The following CFAP95 variants were observed in gnomAD, a reference collection of about 807,000 sequenced individuals.
CFAP95 encodes the protein cilia and flagella associated protein 95.
chr9:69,892,545 G>A, the CFAP95 span, among the ~76,000 whole-genome samples: 2 of 152,200 alleles, frequency 1.3e-5, no homozygotes, highest in Non-Finnish European at 2.9e-5. Context: ...ACAGCAGGTA[G>A]GGAAATACTG....
chr9:69,861,753 A>G, the CFAP95 span, among the ~76,000 whole-genome samples: 128 of 145,544 alleles, frequency 8.8e-4, no homozygotes, highest in Middle Eastern at 7.5e-3. Flanking sequence ...AAAAAAAAAA[A>G]CACAACATTT....
chr9:69,868,879 C>G, the CFAP95 span, among the ~76,000 whole-genome samples: 1 of 149,976 alleles, frequency 6.7e-6, no homozygotes, highest in Non-Finnish European at 1.5e-5. Context: ...ATACAAATGG[C>G]CAACAGGTAT....
At chr9:69,824,446 G>T in the CFAP95 span, among the ~76,000 whole-genome samples, 4 of 152,036 alleles carry the variant, frequency 2.6e-5, no homozygotes, top group African/African-American at 7.2e-5. Context: ...AAAAATTTGA[G>T]TTGCCCTACG....
At chr9:69,843,610 T>A in the CFAP95 span, among the ~76,000 whole-genome samples, 1 of 69,762 alleles carries the variant, frequency 1.4e-5, no homozygotes, top group African/African-American at 8.3e-5. Flanking sequence ...CTTCTTCTTC[T>A]TCTTCTTCTT....
chr9:69,840,259 C>T, the CFAP95 span, among the ~76,000 whole-genome samples: 21 of 151,882 alleles, frequency 1.4e-4, no homozygotes, highest in African/African-American at 4.8e-4. Flanking sequence ...AAACAAATGC[C>T]GGTAGCAAGG....
At chr9:69,896,745 A>G in the CFAP95 span, among the ~76,000 whole-genome samples, 1 of 152,318 alleles carries the variant, frequency 6.6e-6, no homozygotes, top group East Asian at 1.9e-4. Flanking sequence ...AAACTTGGCC[A>G]GGTGCGGTGG....
At chr9:69,832,040 T>C in the CFAP95 span, among the ~76,000 whole-genome samples, 1 of 152,198 alleles carries the variant, frequency 6.6e-6, no homozygotes, top group Non-Finnish European at 1.5e-5. Context: ...TTAGTTTGCA[T>C]ATGGCCATTT....
chr9:69,884,184 T>C, the CFAP95 span, among the ~76,000 whole-genome samples: 2 of 152,208 alleles, frequency 1.3e-5, no homozygotes, highest in Non-Finnish European at 2.9e-5. Flanking sequence ...TTAATTTCCA[T>C]GCATTGGTAT....
At chr9:69,881,545 C>A in the CFAP95 span, among the ~76,000 whole-genome samples, 1 of 152,074 alleles carries the variant, frequency 6.6e-6, no homozygotes, top group Non-Finnish European at 1.5e-5. Context: ...ATGCTAATAC[C>A]ATGCTGTTTT....
chr9:69,853,674 G>C, the CFAP95 span, among the ~76,000 whole-genome samples: 1 of 152,196 alleles, frequency 6.6e-6, no homozygotes, highest in African/African-American at 2.4e-5. Context: ...TTCACATTAA[G>C]ATGGTGTAGG....
At chr9:69,856,630 G>A in the CFAP95 span, 62 of 1,612,454 alleles carry the variant, frequency 3.8e-5, no homozygotes, top group Admixed American at 1.0e-3. Flanking sequence ...GAAGAGCAAG[G>A]CTTTATTGAA....
the CFAP95 span, among the ~76,000 whole-genome samples, chr9:69,861,293 G>A: frequency 6.6e-6 from 1 of 152,034 alleles, no homozygotes; most frequent in East Asian, 1.9e-4. Context: ...GCATTATTTG[G>A]CATGACTCTA....
chr9:69,877,459 C>T, the CFAP95 span, among the ~76,000 whole-genome samples: 601 of 152,248 alleles, frequency 3.9e-3, 3 homozygotes, highest in African/African-American at 0.013. Flanking sequence ...AATTATTTTA[C>T]GTTTTTCCAC....
the CFAP95 span, among the ~76,000 whole-genome samples, chr9:69,882,542 C>T: frequency 6.6e-6 from 1 of 152,176 alleles, no homozygotes; most frequent in East Asian, 1.9e-4. Flanking sequence ...ATAGGAAAGG[C>T]TTTCAGTTTT....
At chr9:69,903,504 A>G in the CFAP95 span, among the ~76,000 whole-genome samples, 1 of 152,174 alleles carries the variant, frequency 6.6e-6, no homozygotes, top group Non-Finnish European at 1.5e-5. Context: ...CCATGAGCTT[A>G]CTATGCTCAC....
chr9:69,874,285 C>T, the CFAP95 span, among the ~76,000 whole-genome samples: 19 of 152,172 alleles, frequency 1.2e-4, no homozygotes, highest in East Asian at 1.3e-3. Flanking sequence ...GCACACCAGA[C>T]GGTCATGTCA....
At chr9:69,827,227 T>A in the CFAP95 span, among the ~76,000 whole-genome samples, 3 of 152,200 alleles carry the variant, frequency 2.0e-5, no homozygotes, top group Non-Finnish European at 2.9e-5. Context: ...ATTTATACTT[T>A]AAAAAATTCC....
the CFAP95 span, among the ~76,000 whole-genome samples, chr9:69,892,554 T>C: frequency 1.3e-5 from 2 of 152,206 alleles, no homozygotes. Flanking sequence ...AGGGAAATAC[T>C]GGGTAGAAGA....
the CFAP95 span, among the ~76,000 whole-genome samples, chr9:69,859,293 C>T: frequency 1.3e-5 from 2 of 152,008 alleles, no homozygotes. Context: ...TTCTTCAACT[C>T]TACCATTGAA....
Sources: allele counts gnomAD v4.1 joint callset (sites outside exome capture counted in the v4.1 genomes callset), GRCh38; gene constraint gnomAD v4.1.1; transcripts MANE v1.5; gene names NCBI Gene and HGNC (gene_info 2026-07-23, HGNC 2026-07-21).